Variants in SCARB2 observed in about 807,000 individuals in gnomAD.
SCARB2 encodes scavenger receptor class B member 2.
Under a neutral mutation model 58.6 loss-of-function variants are expected in SCARB2, and 29 were observed. The observed-to-expected ratio is 0.49, with a 90% CI of 0.37 to 0.67. The LOEUF (loss-of-function observed/expected upper bound fraction) is 0.67. Ranked by LOEUF, SCARB2 falls within the 30% of genes least tolerant of loss-of-function variation. The pLI is 0.00. For missense variants in SCARB2, 488 were observed against 578.5 expected, an observed-to-expected ratio of 0.84 and a Z score of 1.60; for synonymous variants, 195 against 210.1, an observed-to-expected ratio of 0.93 and a Z score of 0.62.
chr4:76,213,524 T>TA lies in SCARB2; in HGVS notation c.19dup (p.Tyr7LeufsTer42). On this transcript the variant is annotated frameshift_variant, in exon 1 of 12. Coordinates refer to ENST00000264896, the MANE Select transcript of SCARB2 (RefSeq NM_005506.4). LOFTEE classifies it high-confidence loss of function. ...GAGCAGGGACAACGTCCCCGCCGTG[T>TA]AGAAGCAGCATCGGCCCATTCTGTG... 1 of 1,610,550 alleles carries TA rather than the reference T, an allele frequency of 6.2e-7. No homozygotes were observed. The highest frequency in any genetic ancestry group is 8.5e-7 in the Non-Finnish European group (1 of 1,178,638).
intron 1 of SCARB2, among the ~76,000 whole-genome samples, chr4:76,230,987 G>A (rs529729032): frequency 1.3e-5 from 2 of 152,122 alleles, no homozygotes; most frequent in Non-Finnish European, 2.9e-5. Context: ...CTTAGATCCA[G>A]TTTTCTTTCC....
At chr4:76,233,866 G>T (rs1733536074) in intron 1 of SCARB2, among the ~76,000 whole-genome samples, 1 of 152,214 alleles carries the variant, frequency 6.6e-6, no homozygotes, top group South Asian at 2.1e-4. Flanking sequence ...TTGGTTGGGG[G>T]GGGCTTGGTT....
chr4:76,179,805 T>C (rs1732341981), intron 3 of SCARB2, 100 bp from the exon 4 acceptor site: 1 of 937,086 alleles, frequency 1.1e-6, no homozygotes, highest in South Asian at 1.3e-5. Flanking sequence ...GAAATATAAA[T>C]GTAAAGGTTG....
chr4:76,196,955 G>A (rs1732725565), intron 1 of SCARB2, among the ~76,000 whole-genome samples: 1 of 152,162 alleles, frequency 6.6e-6, no homozygotes, highest in South Asian at 2.1e-4. Context: ...ATGAGGTCAT[G>A]AGGGTAGGCC....
chr4:76,192,632 A>C (rs1391149928), intron 2 of SCARB2: 1 of 150,868 alleles, frequency 6.6e-6, no homozygotes, highest in Non-Finnish European at 1.5e-5. Flanking sequence ...CATGTGGCAG[A>C]GAAAGAAAAG....
intron 11 of SCARB2, 79 bp from the exon 12 acceptor site, chr4:76,161,830 G>A (rs375643054): frequency 7.2e-6 from 10 of 1,384,350 alleles, no homozygotes; most frequent in Non-Finnish European, 9.2e-6. Context: ...TGGGTGGGGA[G>A]TGGGGGCATG....
At chr4:76,220,685 T>C (rs1371120886) in intron 1 of SCARB2, among the ~76,000 whole-genome samples, 1 of 152,224 alleles carries the variant, frequency 6.6e-6, no homozygotes, top group Non-Finnish European at 1.5e-5. Flanking sequence ...CTTTTCTTTC[T>C]CATCTGCCAT....
chr4:76,167,684 C>CT (rs60843260), intron 9 of SCARB2, among the ~76,000 whole-genome samples: 6,067 of 91,236 alleles, frequency 0.066, 683 homozygotes, highest in African/African-American at 0.28. Flanking sequence ...CCCCCCCCCG[C>CT]TTTTTTTTTT....
At chr4:76,196,534 A>T (rs1732716442) in intron 1 of SCARB2, among the ~76,000 whole-genome samples, 1 of 152,144 alleles carries the variant, frequency 6.6e-6, no homozygotes. Flanking sequence ...GTAGAAGTTA[A>T]GCAATTCTGA....
chr4:76,193,907 T>C (rs1159139164), intron 2 of SCARB2: 5 of 152,354 alleles, frequency 3.3e-5, no homozygotes, highest in East Asian at 1.9e-4. Flanking sequence ...GGTGGAATGA[T>C]ATAGTTTGGA....
chr4:76,189,627 A>G (rs1452490343), intron 2 of SCARB2, among the ~76,000 whole-genome samples: 1 of 151,670 alleles, frequency 6.6e-6, no homozygotes, highest in Admixed American at 6.6e-5. Context: ...ACACCCAGCT[A>G]ATTTTTTTTT....
intron 7 of SCARB2, among the ~76,000 whole-genome samples, chr4:76,172,209 T>C (rs56085800): frequency 0.21 from 30,279 of 143,198 alleles, 3,572 homozygotes; most frequent in African/African-American, 0.36. Flanking sequence ...TGTATATATA[T>C]ATGTATATAT....
intron 10 of SCARB2, chr4:76,164,791 C>CA (rs35163860): frequency 0.29 from 30,487 of 105,068 alleles, 4,317 homozygotes; most frequent in African/African-American, 0.47. Flanking sequence ...GACCTTGTCT[C>CA]AAAAAAAAAA....
intron 11 of SCARB2, chr4:76,162,888 G>T: frequency 2.0e-6 from 1 of 492,438 alleles, no homozygotes; most frequent in Non-Finnish European, 3.7e-6. Context: ...AACTCAGGCA[G>T]TCTGACACCA....
chr4:76,229,849 C>G (rs530414200), intron 1 of SCARB2, among the ~76,000 whole-genome samples: 112 of 152,216 alleles, frequency 7.4e-4, no homozygotes, highest in Middle Eastern at 3.4e-3. Context: ...GTGGACAGAC[C>G]CAGGCCATCT....
At chr4:76,214,278 C>G (rs769224839), upstream of SCARB2, 2 of 456,024 alleles carry the variant, frequency 4.4e-6, no homozygotes, top group South Asian at 3.1e-5. Context: ...TGAGATCATG[C>G]CAGCAAGCAT....
At chr4:76,166,452 T>C in intron 9 of SCARB2, 151 bp from the exon 10 acceptor site, 1 of 785,518 alleles carries the variant, frequency 1.3e-6, no homozygotes. Flanking sequence ...TGCAAACATG[T>C]ACCCCAAAAG....
chr4:76,228,619 G>T (rs78799603), intron 1 of SCARB2, among the ~76,000 whole-genome samples: 8,054 of 152,166 alleles, frequency 0.053, 249 homozygotes, highest in Middle Eastern at 0.088. Flanking sequence ...GCTTAGTTTT[G>T]CTGGATAAAC....
chr4:76,199,393 A>G (rs1372410), intron 1 of SCARB2, among the ~76,000 whole-genome samples: 3,862 of 152,332 alleles, frequency 0.025, 133 homozygotes, highest in African/African-American at 0.079. Context: ...CATGGGCTAC[A>G]TCAAAAATGT....
Sources: allele counts gnomAD v4.1 joint callset (sites outside exome capture counted in the v4.1 genomes callset), GRCh38; gene constraint gnomAD v4.1.1; transcripts MANE v1.5; gene names NCBI Gene and HGNC (gene_info 2026-07-23, HGNC 2026-07-21).